BTD: variants seen among roughly 807,000 people sequenced by gnomAD.
The protein encoded by BTD is biocytinase.
A neutral mutation model predicts 17.7 loss-of-function variants in BTD; 13 were observed. That is an observed-to-expected ratio of 0.74 (90% CI 0.48 to 1.17). The LOEUF (loss-of-function observed/expected upper bound fraction) is 1.17, where lower values mean the gene tolerates loss of function less well. Ranked by LOEUF, BTD falls within the 50% of genes most tolerant of loss-of-function variation. BTD has a pLI of 0.00. For missense variants in BTD, 674 were observed against 650.4 expected (o/e 1.04, Z -0.39); for synonymous variants, 240 against 245.2 (o/e 0.98, Z 0.20).
chr3:15,670,617 G>T lies in BTD; in HGVS notation c.399+28560G>T, dbSNP rs1575058140. ...CTGAGATGTATTTCACCAAAGACAA[G>T]GAAATAAGCCTAAAGTACTTCAACT... On this transcript the variant is annotated intron_variant, in intron 3 of 3. Transcript: ENST00000672141. 2.0e-6 allele frequency: 3 copies of T among 1,506,506 alleles called. No homozygotes were observed. In the East Asian group the frequency reaches 7.0e-5, roughly 35 times the overall value. 93.3% of individuals were successfully genotyped at this position (1,506,506 alleles called of 1,614,324 possible). A position where few individuals can be genotyped will look rare whatever the true frequency, so the allele number is the denominator to read the frequency against.
chr3:15,654,922 G>A (rs2065856765), downstream of BTD, among the ~76,000 whole-genome samples: 2 of 152,118 alleles, frequency 1.3e-5, no homozygotes. Flanking sequence ...TAGTAGAGAC[G>A]GGGTTTCTTC....
chr3:15,645,496 G>A lies in BTD; in HGVS notation c.*8G>A, dbSNP rs773652007. On this transcript the variant is annotated 3_prime_UTR_variant, in exon 4 of 4. Transcript: ENST00000643237. ...TTGTATGAGAGGGACTAGGAAAAGT[G>A]TGTGGTCTGTGGGGCGGACTCTGGC... 11 of 1,602,524 alleles carry A rather than the reference G, an allele frequency of 6.9e-6. No individual in the cohort carries two copies. In the East Asian group the frequency reaches 2.5e-4, roughly 36 times the overall value.
intron 3 of BTD, among the ~76,000 whole-genome samples, chr3:15,698,935 C>T (rs577644431): frequency 6.6e-6 from 1 of 152,180 alleles, no homozygotes; most frequent in Non-Finnish European, 1.5e-5. Context: ...ATTGCCAAGA[C>T]AATCCTAAGC....
In BTD at chr3:15,652,208, C is replaced by A. The variant is rs1298754660; in HGVS notation, c.*6720C>A. 6.6e-6 allele frequency among the ~76,000 whole-genome samples: 1 copy of A among 152,182 alleles called. No individual in the cohort carries two copies. The highest frequency in any genetic ancestry group is 1.5e-5 in the Non-Finnish European group (1 of 68,034). ...CGGCATGGTGGCACACGCCTGTAGTCCCAGCTAGTCGGGAGGCTGAGGCAG... is the reference window on the plus strand; with the variant it reads ...CGGCATGGTGGCACACGCCTGTAGTACCAGCTAGTCGGGAGGCTGAGGCAG... On this transcript the variant is annotated 3_prime_UTR_variant, in exon 4 of 4. Transcript: ENST00000643237.
chr3:15,630,723 C>G (rs922400674), intron 1 of BTD, among the ~76,000 whole-genome samples: 2 of 152,154 alleles, frequency 1.3e-5, no homozygotes, highest in African/African-American at 4.8e-5. Flanking sequence ...ACCACCTCAA[C>G]TCAGAGGACA....
At chr3:15,637,997 C>T (rs2065397256) in intron 2 of BTD, among the ~76,000 whole-genome samples, 1 of 152,212 alleles carries the variant, frequency 6.6e-6, no homozygotes, top group South Asian at 2.1e-4. Context: ...TCTCAGCTCC[C>T]ATACGTGGTT....
intron 1 of BTD, among the ~76,000 whole-genome samples, chr3:15,617,142 T>C (rs1000923193): frequency 6.6e-6 from 1 of 152,228 alleles, no homozygotes; most frequent in African/African-American, 2.4e-5. Flanking sequence ...CTTTTGCCTA[T>C]TTTTTAATCA....
rs559579421 is a variant in BTD at position 15,602,737 on chromosome 3, C to G, written c.-17+843C>G. Among the ~76,000 whole-genome samples, 164 of 152,098 alleles carry G rather than the reference C, an allele frequency of 1.1e-3. 1 individual carries two copies. Among genetic ancestry groups the G allele is most frequent in the African/African-American group, 3.8e-3 (157 of 41,484 alleles). ...AACCCAGACATTTTCAAACTGTAGT[C>G]CTGGGTCTTTTCAAAAGGTCTTCCC... On this transcript the variant is annotated intron_variant, in intron 1 of 3. Transcript: ENST00000643237.
At chr3:15,712,221 G>A (rs1485915115) in exon 4 of BTD, 24 of 1,574,620 alleles carry the variant, frequency 1.5e-5, no homozygotes, top group Non-Finnish European at 2.0e-5. Flanking sequence ...TGTATGCCAC[G>A]CCTAAAGTTA....
At position 15,635,308 on chromosome 3, in the gene BTD, G is replaced by T. The variant is rs1042842413; in HGVS notation, c.-16-116G>T. On this transcript the variant is annotated intron_variant, in intron 1 of 3. Transcript: ENST00000643237. The surrounding 1 kb of genome is among the most constrained non-coding windows in gnomAD (Gnocchi z 4.1). ...GAACATGAAACAAACTCTTTGAGCC[G>T]CAGTATCACTGCGAGTGAGTTTAAT... 3.4e-6 allele frequency: 5 copies of T among 1,466,524 alleles called. No homozygotes were observed. In the East Asian group the frequency reaches 6.8e-5, roughly 20 times the overall value. 90.8% of individuals were successfully genotyped at this position (1,466,524 alleles called of 1,614,324 possible). A position where few individuals can be genotyped will look rare whatever the true frequency, so the allele number is the denominator to read the frequency against.
In BTD at chr3:15,646,146, T is replaced by A. The variant is rs1242040230; in HGVS notation, c.*658T>A. 6.6e-6 allele frequency: 1 copy of A among 151,764 alleles called. No homozygotes were observed. The highest frequency in any genetic ancestry group is 1.5e-5 in the Non-Finnish European group (1 of 68,024). The allele number at this position is 151,764 out of a possible 1,614,324, so 9.4% of individuals were successfully genotyped here. ...GTAAATGGAATGTGTAGGCAGGACC[T>A]GGAATAACTGGAGAGAGTGCAACGC... On this transcript the variant is annotated 3_prime_UTR_variant, in exon 4 of 4. Transcript: ENST00000643237.
At chr3:15,627,814 G>A (rs559849667) in intron 1 of BTD, among the ~76,000 whole-genome samples, 239 of 152,202 alleles carry the variant, frequency 1.6e-3, no homozygotes, top group Middle Eastern at 3.4e-3. Context: ...CTCTGCCTCC[G>A]AGGTTCAAGC....
chr3:15,685,576 T>A, intron 3 of BTD: 1 of 808,084 alleles, frequency 1.2e-6, no homozygotes, highest in Non-Finnish European at 1.9e-6. Flanking sequence ...TATCATTTTA[T>A]GAGTAATTCT....
exon 4 of BTD, among the ~76,000 whole-genome samples, chr3:15,711,479 C>G (rs2072267031): frequency 6.6e-6 from 1 of 152,102 alleles, no homozygotes; most frequent in Non-Finnish European, 1.5e-5. Context: ...TGATACTGTT[C>G]CATGAATAAC....
Position 15,601,852 on chromosome 3 carries a change from T to C in BTD, c.-59T>C, listed in dbSNP as rs768258310. On this transcript the variant is annotated 5_prime_UTR_variant, in exon 1 of 4. The change abolishes an upstream ATG in the 5' untranslated region. Transcript: ENST00000643237. ...CGTTTTCGGGGCTGTAAAGGGAGAA[T>C]GGCGCATGCGCATATTCAGGGCGGA... is the stretch of plus-strand genomic sequence containing the variant. 2.5e-6 allele frequency: 4 copies of C among 1,614,112 alleles called. No individual in the cohort carries two copies. The highest frequency in any genetic ancestry group is 2.2e-5 in the East Asian group (1 of 44,870).
At chr3:15,606,282 G>A (rs889592015) in intron 1 of BTD, among the ~76,000 whole-genome samples, 6 of 152,164 alleles carry the variant, frequency 3.9e-5, no homozygotes, top group African/African-American at 1.4e-4. Flanking sequence ...CTTAGGACAA[G>A]TCAGGCACCT....
At chr3:15,630,185 T>A in intron 1 of BTD, 1 of 636,828 alleles carries the variant, frequency 1.6e-6, no homozygotes, top group Non-Finnish European at 2.0e-6. Context: ...GGGTCTTGTT[T>A]AACTGTAAAA....
At chr3:15,702,305 G>A (rs1049106184) in intron 3 of BTD, among the ~76,000 whole-genome samples, 1 of 152,140 alleles carries the variant, frequency 6.6e-6, no homozygotes, top group Non-Finnish European at 1.5e-5. Context: ...ATAAAATACT[G>A]AATCACAAAA....
intron 3 of BTD, chr3:15,676,606 T>G (rs2066964034): frequency 5.8e-6 from 1 of 171,026 alleles, no homozygotes; most frequent in Admixed American, 6.0e-5. Context: ...AGAAACCTTA[T>G]TGGCTTACAG....
Sources: gnomAD v4.1 joint callset for allele counts (sites outside exome capture counted in the v4.1 genomes callset) on GRCh38, gnomAD v4.1.1 for gene constraint, Gnocchi (gnomAD v3.1) non-coding constraint, MANE v1.5 for transcripts, NCBI Gene and HGNC (gene_info 2026-07-23, HGNC 2026-07-21) for gene names.